DIAPH2: variants seen among roughly 807,000 people sequenced by gnomAD.
The protein encoded by DIAPH2 is protein diaphanous homolog 2.
Under a neutral mutation model 92.7 loss-of-function variants are expected in DIAPH2, and 35 were observed. The observed-to-expected ratio is 0.38, with a 90% CI of 0.29 to 0.50. The LOEUF (loss-of-function observed/expected upper bound fraction) is 0.50. DIAPH2 is among the 20% of genes least tolerant of loss of function. The probability of loss-of-function intolerance (pLI) is 0.94; values close to 1 mark genes in which losing one functional copy is unlikely to be tolerated. For missense variants in DIAPH2, 701 were observed against 819.5 expected (o/e 0.86, Z 1.77); for synonymous variants, 301 against 280.4 (o/e 1.07, Z -0.73).
At chrX:97,481,027 G>T (rs1351418335) in intron 26 of DIAPH2, among the ~76,000 whole-genome samples, 1 of 111,695 alleles carries the variant, frequency 9.0e-6, no homozygotes, top group Non-Finnish European at 1.9e-5. Flanking sequence ...CTTCACCCAG[G>T]CTTTCACCAT....
intron 23 of DIAPH2, among the ~76,000 whole-genome samples, chrX:97,305,177 C>G (rs2068735461): frequency 1.8e-5 from 2 of 112,200 alleles, no homozygotes; most frequent in African/African-American, 6.5e-5. Context: ...TAAGAAATCT[C>G]AGACCGAGAA....
chrX:96,981,229 G>T (rs2065995185), intron 17 of DIAPH2, among the ~76,000 whole-genome samples: 1 of 110,599 alleles, frequency 9.0e-6, no homozygotes, highest in Non-Finnish European at 1.9e-5. Flanking sequence ...TTTCAAATGT[G>T]AAACTTAGAT....
intron 26 of DIAPH2, among the ~76,000 whole-genome samples, chrX:97,534,351 C>T (rs547437260): frequency 4.3e-4 from 48 of 110,384 alleles, no homozygotes; most frequent in Middle Eastern, 4.8e-3. Flanking sequence ...TCATTCACCC[C>T]CATTCTTATA....
chrX:96,712,660 TAC>T (rs1194183859), intron 1 of DIAPH2, among the ~76,000 whole-genome samples: 2 of 111,622 alleles, frequency 1.8e-5, no homozygotes, highest in Non-Finnish European at 3.8e-5. Context: ...TCATCAACAA[TAC>T]AGTTATGATT....
chrX:96,934,055 A>G (rs1230715631), intron 10 of DIAPH2, among the ~76,000 whole-genome samples: 2 of 111,199 alleles, frequency 1.8e-5, no homozygotes, highest in African/African-American at 3.3e-5. Flanking sequence ...ATTCAGGCAG[A>G]TAGACCTTGA....
intron 4 of DIAPH2, among the ~76,000 whole-genome samples, chrX:96,769,280 TA>T (rs1269494963): frequency 9.0e-6 from 1 of 111,504 alleles, no homozygotes; most frequent in Non-Finnish European, 1.9e-5. Flanking sequence ...GAGTTTGGAG[TA>T]AAAGAAGATT....
chrX:96,980,860 T>TA (rs902123186), intron 17 of DIAPH2, among the ~76,000 whole-genome samples: 10 of 109,155 alleles, frequency 9.2e-5, no homozygotes, highest in Non-Finnish European at 1.7e-4. Flanking sequence ...TGGGTGTTTT[T>TA]AAAAAAATGT....
At chrX:97,057,881 C>T (rs2147899308) in intron 17 of DIAPH2, among the ~76,000 whole-genome samples, 1 of 110,644 alleles carries the variant, frequency 9.0e-6, no homozygotes, top group African/African-American at 3.3e-5. Flanking sequence ...ACGTTTGGTT[C>T]TCTAAACAAT....
intron 26 of DIAPH2, among the ~76,000 whole-genome samples, chrX:97,476,047 T>C (rs1049237126): frequency 8.9e-6 from 1 of 112,180 alleles, no homozygotes; most frequent in African/African-American, 3.2e-5. Context: ...CACATTAATA[T>C]TAACATTTGA....
chrX:96,992,008 A>G (rs1479897524), intron 17 of DIAPH2, among the ~76,000 whole-genome samples: 2 of 110,474 alleles, frequency 1.8e-5, no homozygotes, highest in Non-Finnish European at 3.8e-5. Flanking sequence ...GGTTTCCTTC[A>G]CTGTCTCTTT....
Position 97,382,362 on chromosome X carries a change from G to A in DIAPH2, c.3010-1547G>A, listed in dbSNP as rs377329472. On this transcript the variant is annotated intron_variant, in intron 24 of 26. Transcript: ENST00000324765. ...TCCCAGCACACTGGGAGGCCAAGCC[G>A]GGCTTATCACTTGAGGTCAGGAGTT... Among the ~76,000 whole-genome samples, 9 of 112,086 alleles carry A rather than the reference G, an allele frequency of 8.0e-5. No individual in the cohort carries two copies. The East Asian group carries it at 1.4e-3, about 18-fold the overall frequency.
Position 97,296,935 on chromosome X carries a change from G to T in DIAPH2, c.2844+49096G>T, listed in dbSNP as rs918457439. 8.8e-4 allele frequency among the ~76,000 whole-genome samples: 97 copies of T among 110,101 alleles called. 1 individual carries two copies. The highest frequency in any genetic ancestry group is 1.2e-3 in the Non-Finnish European group (61 of 52,728). On this transcript the variant is annotated intron_variant, in intron 23 of 26. Coordinates refer to ENST00000324765, the MANE Select transcript of DIAPH2 (RefSeq NM_006729.5). ...TGGGATTACAGGCATGCGCCACCAC[G>T]CCCGGCTAATTTTGTATTTTTAGTA...
chrX:97,244,269 C>T (rs188679102), intron 22 of DIAPH2, among the ~76,000 whole-genome samples: 93 of 111,823 alleles, frequency 8.3e-4, no homozygotes, highest in African/African-American at 2.8e-3. Flanking sequence ...AAAATATTCT[C>T]ACTTATTACT....
At chrX:97,111,090 C>T (rs887177083) in intron 20 of DIAPH2, among the ~76,000 whole-genome samples, 1 of 112,172 alleles carries the variant, frequency 8.9e-6, no homozygotes, top group African/African-American at 3.2e-5. Flanking sequence ...CCAAGCAATA[C>T]TTTTCCTTTA....
intron 17 of DIAPH2, among the ~76,000 whole-genome samples, chrX:97,031,332 T>C (rs368167636): frequency 7.3e-5 from 6 of 82,195 alleles, no homozygotes; most frequent in African/African-American, 2.8e-4. Flanking sequence ...TAGGCATTCA[T>C]TGGAACCTAT....
intron 5 of DIAPH2, among the ~76,000 whole-genome samples, chrX:96,888,468 T>TA (rs2065279800): frequency 1.9e-5 from 2 of 104,201 alleles, no homozygotes; most frequent in Non-Finnish European, 3.9e-5. Context: ...TATGTGTTTT[T>TA]TATATATATA....
chrX:97,296,290 A>C (rs1212292018), intron 23 of DIAPH2, among the ~76,000 whole-genome samples: 1 of 111,775 alleles, frequency 8.9e-6, no homozygotes, highest in Non-Finnish European at 1.9e-5. Context: ...ATAATATAGG[A>C]ATTTTCCCTA....
At chrX:97,207,010 G>A (rs973412803) in intron 22 of DIAPH2, among the ~76,000 whole-genome samples, 15 of 110,942 alleles carry the variant, frequency 1.4e-4, no homozygotes, top group African/African-American at 3.3e-4. Flanking sequence ...TCAGTATCTC[G>A]TAGTGACCTC....
intron 15 of DIAPH2, chrX:96,954,222 G>A (rs1181088000): frequency 2.7e-5 from 3 of 111,754 alleles, no homozygotes; most frequent in Non-Finnish European, 5.6e-5. Flanking sequence ...AGTTTTAAAC[G>A]TTTCATTCTG....
Sources: allele counts gnomAD v4.1 joint callset (sites outside exome capture counted in the v4.1 genomes callset), GRCh38; gene constraint gnomAD v4.1.1; transcripts MANE v1.5; gene names NCBI Gene and HGNC (gene_info 2026-07-23, HGNC 2026-07-21).